The following DDX60L variants were observed in gnomAD, a reference collection of about 807,000 sequenced individuals.
The protein encoded by DDX60L is probable ATP-dependent RNA helicase DDX60-like.
DDX60L carries 191 observed loss-of-function variants against 211.6 expected under a neutral mutation model. The ratio of observed to expected loss-of-function variants is 0.90; its 90% confidence interval spans 0.80 to 1.02. The LOEUF is 1.02. Ranked by LOEUF, DDX60L falls within the 50% of genes least tolerant of loss-of-function variation. DDX60L has a pLI of 0.00. For missense variants in DDX60L, 2,007 were observed against 1,984.1 expected (o/e 1.01, Z -0.22); for synonymous variants, 706 against 694.1 (o/e 1.02, Z -0.27).
At chr4:168,424,597 A>G (rs1015250234) in intron 14 of DDX60L, among the ~76,000 whole-genome samples, 1 of 152,164 alleles carries the variant, frequency 6.6e-6, no homozygotes, top group Non-Finnish European at 1.5e-5. Flanking sequence ...TCAGTAAAAT[A>G]TCTAAGTGAT....
At chr4:168,363,054 T>C (rs1049116922) in intron 36 of DDX60L, among the ~76,000 whole-genome samples, 3 of 152,074 alleles carry the variant, frequency 2.0e-5, no homozygotes, top group African/African-American at 7.2e-5. Context: ...TTCTAAATGC[T>C]GAAGAGAAAA....
At chr4:168,422,972 T>C (rs1173780083) in intron 15 of DDX60L, among the ~76,000 whole-genome samples, 1 of 26,612 alleles carries the variant, frequency 3.8e-5, no homozygotes, top group Non-Finnish European at 8.0e-5. Flanking sequence ...GCTAATATTG[T>C]GTGTGTGTGT....
chr4:168,449,813 A>AAT (rs978819869), intron 8 of DDX60L, among the ~76,000 whole-genome samples: 7 of 95,500 alleles, frequency 7.3e-5, no homozygotes, highest in East Asian at 8.1e-4. Flanking sequence ...AATAAAAAAA[A>AAT]AAAAAAAAAA....
At chr4:168,476,834 G>A (rs1323019165) in intron 1 of DDX60L, among the ~76,000 whole-genome samples, 3 of 152,134 alleles carry the variant, frequency 2.0e-5, no homozygotes, top group East Asian at 1.9e-4. Context: ...CCAATGGAAC[G>A]TGAGTGGAAG....
intron 8 of DDX60L, among the ~76,000 whole-genome samples, chr4:168,449,639 A>C (rs1379926218): frequency 2.0e-4 from 4 of 20,318 alleles, no homozygotes; most frequent in Admixed American, 6.9e-4. Flanking sequence ...CATTAAAACA[A>C]AAAAAAAAAA....
intron 37 of DDX60L, among the ~76,000 whole-genome samples, chr4:168,359,821 C>A (rs1201888434): frequency 3.3e-5 from 5 of 152,130 alleles, no homozygotes; most frequent in Admixed American, 3.3e-4. Context: ...TTTCCCCAGT[C>A]CCTGTCACAA....
intron 36 of DDX60L, among the ~76,000 whole-genome samples, chr4:168,365,051 G>A (rs1484796667): frequency 6.6e-6 from 1 of 152,036 alleles, no homozygotes; most frequent in Non-Finnish European, 1.5e-5. Context: ...GGAATTTATA[G>A]CAATAAAGGC....
In DDX60L at chr4:168,472,756, G is replaced by A; in HGVS notation, c.-57C>T. On this transcript the variant is annotated 5_prime_UTR_variant, in exon 2 of 38. Transcript: ENST00000682922. Reference sequence around the variant, plus strand: ...AGTAGAGCTGGAATTTATTAAATATGGCTGATTTATTTTGACACCTCTAAA... The same window carrying A: ...AGTAGAGCTGGAATTTATTAAATATAGCTGATTTATTTTGACACCTCTAAA... 1.9e-6 allele frequency: 3 copies of A among 1,593,620 alleles called. No individual in the cohort carries two copies. Among genetic ancestry groups the A allele is most frequent in the Non-Finnish European group, 2.6e-6 (3 of 1,168,178 alleles).
At position 168,421,796 on chromosome 4, in the gene DDX60L, G is replaced by A. The variant is rs200199138; in HGVS notation, c.2358C>T (p.Ser786=). The change falls in exon 17 of 38, where the codon AGC becomes AGT. Residue 786 remains serine, a synonymous_variant. Transcript: ENST00000682922. ...CAACGTACACAACCACCCCGACATC[G>A]CTCTCCCTCAGCACTTTCTCCATGC... is the stretch of plus-strand genomic sequence containing the variant. The part of the protein sequence containing the change: ...YYCMEKVLRE[S]DVGVVVYVAP... The A allele has an allele frequency of 3.6e-5, 58 of 1,613,996 alleles. No individual in the cohort carries two copies. The highest frequency in any genetic ancestry group is 5.3e-5 in the African/African-American group (4 of 74,886).
At position 168,430,571 on chromosome 4, in the gene DDX60L, C is replaced by T; in HGVS notation, c.1584G>A (p.Gly528=). The T allele has an allele frequency of 2.5e-6, 4 of 1,604,604 alleles. No homozygotes were observed. The highest frequency in any genetic ancestry group is 3.4e-6 in the Non-Finnish European group (4 of 1,175,422). Residue 528 remains glycine, a synonymous_variant, in exon 13 of 38, where the codon GGG becomes GGA. Transcript: ENST00000682922. ...TCGTAGAGATTGATTCTAACGATTTCCCATAAAATTGCTGATAATCCTGAA... is the reference window on the plus strand; with the variant it reads ...TCGTAGAGATTGATTCTAACGATTTTCCATAAAATTGCTGATAATCCTGAA... The part of the protein sequence containing the change: ...KKIQDYQQFY[G]KSLESISTKV...
intron 30 of DDX60L, among the ~76,000 whole-genome samples, chr4:168,381,847 G>A (rs904191249): frequency 6.6e-6 from 1 of 152,038 alleles, no homozygotes; most frequent in African/African-American, 2.4e-5. Context: ...CCTCAAATAC[G>A]CAGGAGCCCA....
At chr4:168,404,211 T>C (rs937020956) in intron 24 of DDX60L, 105 bp from the exon 25 acceptor site, 37 of 858,216 alleles carry the variant, frequency 4.3e-5, no homozygotes, top group Non-Finnish European at 5.5e-5. Context: ...ATTTTTCATA[T>C]ATAATTTTGG....
chr4:168,463,823 A>G lies in DDX60L; in HGVS notation c.265-1783T>C, dbSNP rs1380535876. Among the ~76,000 whole-genome samples the G allele has an allele frequency of 3.3e-5, 5 of 152,204 alleles. No individual in the cohort carries two copies. In the South Asian group the frequency reaches 1.0e-3, roughly 31 times the overall value. The stretch of plus-strand genomic sequence containing the variant: ...TTGCTTCTAGGAGTAGGATGAGGGA[A>G]TGGGCTCATAATATACTTTTGTATT... On this transcript the variant is annotated intron_variant, in intron 4 of 37. Coordinates refer to ENST00000682922, the MANE Select transcript of DDX60L (RefSeq NM_001012967.3).
chr4:168,373,551 A>G, intron 35 of DDX60L, 115 bp downstream of exon 35: 1 of 1,034,142 alleles, frequency 9.7e-7, no homozygotes, highest in South Asian at 1.5e-5. Context: ...AATGATGCTC[A>G]TCAGTGGACA....
intron 10 of DDX60L, among the ~76,000 whole-genome samples, chr4:168,440,038 G>A (rs1208137282): frequency 2.0e-5 from 3 of 152,108 alleles, no homozygotes; most frequent in Non-Finnish European, 4.4e-5. Context: ...CTACCCCCAC[G>A]CACCCATCAG....
chr4:168,409,715 A>C (rs1561009857), intron 22 of DDX60L, among the ~76,000 whole-genome samples: 1 of 152,160 alleles, frequency 6.6e-6, no homozygotes, highest in Non-Finnish European at 1.5e-5. Flanking sequence ...CTATGAAGTA[A>C]TTTCCATTTA....
At chr4:168,380,251 A>G (rs1415374562) in intron 30 of DDX60L, 1 of 153,674 alleles carries the variant, frequency 6.5e-6, no homozygotes, top group East Asian at 1.9e-4. Context: ...CAGTCAACAG[A>G]ATGGAAATAT....
chr4:168,462,103 T>C, intron 4 of DDX60L, 63 bp from the exon 5 acceptor site: 1 of 1,275,626 alleles, frequency 7.8e-7, no homozygotes, highest in Non-Finnish European at 1.1e-6. Flanking sequence ...TTTGTTAATT[T>C]TGTTGCTTAC....
intron 36 of DDX60L, among the ~76,000 whole-genome samples, chr4:168,371,058 T>C (rs918062857): frequency 8.9e-6 from 1 of 112,658 alleles, no homozygotes. Context: ...AAAATAAATA[T>C]TAATTTATTT....
Sources: gnomAD v4.1 joint callset for allele counts (sites outside exome capture counted in the v4.1 genomes callset) on GRCh38, gnomAD v4.1.1 for gene constraint, MANE v1.5 for transcripts, NCBI Gene and HGNC (gene_info 2026-07-23, HGNC 2026-07-21) for gene names.